The following SCN9A variants were observed in gnomAD, a reference collection of about 807,000 sequenced individuals.
SCN9A encodes sodium voltage-gated channel alpha subunit 9.
A neutral mutation model predicts 187.0 loss-of-function variants in SCN9A; 131 were observed. The ratio of observed to expected loss-of-function variants is 0.70; its 90% CI spans 0.61 to 0.81. The LOEUF (loss-of-function observed/expected upper bound fraction) is 0.81, where lower values mean the gene tolerates loss of function less well. Among genes scored for constraint, SCN9A ranks in the 30% least tolerant of loss-of-function variants. SCN9A has a pLI of 0.00. For missense variants in SCN9A, 2,252 were observed against 2,396.6 expected (o/e 0.94, Z 1.26); for synonymous variants, 809 against 808.6 (o/e 1.00, Z -0.01).
chr2:166,297,184 G>A (rs1163471990), intron 7 of SCN9A, among the ~76,000 whole-genome samples: 11 of 54,010 alleles, frequency 2.0e-4, no homozygotes. Context: ...GCGACAGAGT[G>A]AGACTCCATC....
chr2:166,274,949 T>G (rs1340259785), intron 16 of SCN9A, among the ~76,000 whole-genome samples: 2 of 152,162 alleles, frequency 1.3e-5, no homozygotes, highest in African/African-American at 4.8e-5. Context: ...CATCACTTCT[T>G]CCTTGTCTGA....
At chr2:166,362,809 A>G (rs1700318144) in intron 1 of SCN9A, among the ~76,000 whole-genome samples, 1 of 151,978 alleles carries the variant, frequency 6.6e-6, no homozygotes, top group African/African-American at 2.4e-5. Flanking sequence ...ATAGGCAAAA[A>G]CGGTTCACAA....
intron 16 of SCN9A, among the ~76,000 whole-genome samples, chr2:166,275,514 G>A (rs1697194249): frequency 6.6e-6 from 1 of 151,696 alleles, no homozygotes; most frequent in Admixed American, 6.6e-5. Context: ...AACCTGGGAG[G>A]TGGAGGTTGG....
chr2:166,201,237 T>C (rs1435278173), intron 26 of SCN9A, among the ~76,000 whole-genome samples: 1 of 148,404 alleles, frequency 6.7e-6, no homozygotes, highest in African/African-American at 2.5e-5. Context: ...ATATACTATA[T>C]ACAGTATATA....
chr2:166,235,585 C>A (rs1156753410), intron 20 of SCN9A, among the ~76,000 whole-genome samples: 1 of 151,978 alleles, frequency 6.6e-6, no homozygotes, highest in African/African-American at 2.4e-5. Context: ...GAATTTGCAT[C>A]TCTTATGAGT....
chr2:166,359,806 T>A (rs1454506330), intron 1 of SCN9A, among the ~76,000 whole-genome samples: 2 of 151,878 alleles, frequency 1.3e-5, no homozygotes, highest in African/African-American at 4.8e-5. Context: ...TAAAATATTG[T>A]GATTTGGGTA....
At chr2:166,213,061 T>G (rs547354896) in intron 24 of SCN9A, among the ~76,000 whole-genome samples, 2 of 152,122 alleles carry the variant, frequency 1.3e-5, no homozygotes, top group South Asian at 4.2e-4. Context: ...CAATATAGAT[T>G]TACATGTCTA....
intron 24 of SCN9A, among the ~76,000 whole-genome samples, chr2:166,207,795 AT>A (rs893896915): frequency 7.9e-5 from 12 of 152,062 alleles, no homozygotes; most frequent in Non-Finnish European, 1.5e-5. Flanking sequence ...TCTTTATGTA[AT>A]TTTCATATTC....
At chr2:166,347,952 A>C (rs545837483) in intron 1 of SCN9A, among the ~76,000 whole-genome samples, 9 of 152,338 alleles carry the variant, frequency 5.9e-5, no homozygotes, top group South Asian at 4.1e-4. Flanking sequence ...CATGGTGTCT[A>C]GTCATATTTG....
chr2:166,364,937 G>C (rs142666506), intron 1 of SCN9A, among the ~76,000 whole-genome samples: 2 of 152,074 alleles, frequency 1.3e-5, no homozygotes, highest in Admixed American at 6.6e-5. Context: ...GTTAGCAACC[G>C]GTCAACCCTG....
At position 166,288,499 on chromosome 2, in the gene SCN9A, G is replaced by A. The variant is rs1553491111; in HGVS notation, c.1252C>T (p.Gln418Ter). 1 of 1,613,090 alleles carries A rather than the reference G, an allele frequency of 6.2e-7. No homozygotes were observed. The highest frequency in any genetic ancestry group is 1.1e-5 in the South Asian group (1 of 91,016). ...ATCTGTTGAAATTCTAATTCTTTCT[G>A]TTTAGCTTCTTCAATGTTTGCCTGG... ...QNQANIEEAK[Q>*]KELEFQQMLD... The change falls in exon 10 of 27, where the codon CAG (glutamine) becomes TAG (stop). Residue 418 changes from glutamine to a stop codon, truncating the protein, a stop_gained. Coordinates refer to ENST00000642356, the MANE Select transcript of SCN9A (RefSeq NM_001365536.1). LOFTEE classifies it high-confidence loss of function.
chr2:166,302,970 G>T (rs1311485039), intron 7 of SCN9A, 120 bp downstream of exon 7: 5 of 813,792 alleles, frequency 6.1e-6, no homozygotes, highest in Middle Eastern at 3.5e-4. Context: ...CACTGTAGCA[G>T]CTTTCTATAT....
chr2:166,217,557 G>C (rs1196837598), intron 24 of SCN9A, among the ~76,000 whole-genome samples: 1 of 151,962 alleles, frequency 6.6e-6, no homozygotes, highest in Admixed American at 6.6e-5. Context: ...CAAATAATCT[G>C]AACAGACATT....
intron 19 of SCN9A, among the ~76,000 whole-genome samples, chr2:166,238,745 A>G (rs948475935): frequency 1.6e-4 from 25 of 152,202 alleles, no homozygotes; most frequent in Non-Finnish European, 3.2e-4. Flanking sequence ...TGTTAATAAC[A>G]GCAGCAGGAA....
intron 1 of SCN9A, among the ~76,000 whole-genome samples, chr2:166,365,338 T>C (rs767788312): frequency 3.4e-4 from 52 of 152,296 alleles, no homozygotes; most frequent in Non-Finnish European, 4.9e-4. Flanking sequence ...AAAAACATTA[T>C]TTTTGTATAG....
At chr2:166,374,213 A>G (rs2105335083) in intron 1 of SCN9A, among the ~76,000 whole-genome samples, 1 of 152,340 alleles carries the variant, frequency 6.6e-6, no homozygotes, top group African/African-American at 2.4e-5. Flanking sequence ...ATCAAGGCAT[A>G]TCATATATCC....
At chr2:166,203,816 T>C (rs183439670) in intron 26 of SCN9A, 139 bp downstream of exon 26, 43 of 615,974 alleles carry the variant, frequency 7.0e-5, no homozygotes, top group Admixed American at 6.8e-4. Context: ...GTTTTGCTTT[T>C]TAGGATTTTT....
intron 12 of SCN9A, among the ~76,000 whole-genome samples, chr2:166,282,696 A>G (rs1697545549): frequency 6.6e-6 from 1 of 152,114 alleles, no homozygotes; most frequent in African/African-American, 2.4e-5. Context: ...GTAAAGTTGT[A>G]TAGTTGTATA....
intron 1 of SCN9A, chr2:166,321,536 AAAT>A (rs1448119032): frequency 5.4e-5 from 8 of 148,416 alleles, no homozygotes; most frequent in Non-Finnish European, 1.1e-4. Flanking sequence ...AAAAAAAAAA[AAAT>A]CTATCAATTC....
Sources: gnomAD v4.1 joint callset for allele counts (sites outside exome capture counted in the v4.1 genomes callset) on GRCh38, gnomAD v4.1.1 for gene constraint, MANE v1.5 for transcripts, NCBI Gene and HGNC (gene_info 2026-07-23, HGNC 2026-07-21) for gene names.